TTLL4: variants seen among roughly 807,000 people sequenced by gnomAD.
TTLL4 encodes tubulin monoglutamylase TTLL4.
TTLL4 carries 85 observed loss-of-function variants against 122.7 expected under a neutral mutation model. The observed-to-expected ratio is 0.69, with a 90% CI of 0.58 to 0.83. The LOEUF is 0.83. Ranked by LOEUF, TTLL4 falls within the 40% of genes least tolerant of loss-of-function variation. The pLI, the probability that TTLL4 is intolerant of heterozygous loss-of-function variation, is 0.00. For synonymous variants in TTLL4, 553 were observed against 563.0 expected (o/e 0.98, Z 0.25); for missense variants, 1,363 against 1,488.6 (o/e 0.92, Z 1.39).
rs1394147313 is a variant in TTLL4 at position 218,753,624 on chromosome 2, A to T, written c.3299A>T (p.Asp1100Val). 6.2e-7 allele frequency: 1 copy of T among 1,614,208 alleles called. No homozygotes were observed. Reference sequence around the variant, plus strand: ...TCACTTCTGACTATCTCAAAGGATGACGTGATACTCAATGCCTTCAGCAAA... The same window carrying T: ...TCACTTCTGACTATCTCAAAGGATGTCGTGATACTCAATGCCTTCAGCAAA... ...PTSLLTISKD[D>V]VILNAFSKSE... is the part of the protein sequence containing the mutation. Residue 1100 changes from aspartate (D) to valine (V), a missense_variant, in exon 19 of 20, where the codon GAC (aspartate) becomes GTC (valine). Asp to Val is a radical substitution (Grantham distance 152, BLOSUM62 -3). This residue lies in a region of TTLL4 where 596 missense variants were observed against 655.8 expected (regional missense o/e 0.91). Coordinates refer to ENST00000392102, the MANE Select transcript of TTLL4 (RefSeq NM_014640.5).
chr2:218,738,680 G>C lies in TTLL4; in HGVS notation c.1004G>C (p.Arg335Pro). The part of the protein sequence containing the change: ...SDSQDPTKEI[R>P]FTEAVRKLTA... ...TCCCAGGATCCAACTAAGGAGATTCGGTTCACTGAGGCCGTGAGGAAATTG... is the reference window on the plus strand; with the variant it reads ...TCCCAGGATCCAACTAAGGAGATTCCGTTCACTGAGGCCGTGAGGAAATTG... The change falls in exon 3 of 20, where the codon CGG becomes CCG. Residue 335 changes from arginine (R) to proline (P), a missense_variant. By Grantham distance (103) the Arg-to-Pro change is moderately radical. Coordinates refer to ENST00000392102, the MANE Select transcript of TTLL4 (RefSeq NM_014640.5). The C allele has an allele frequency of 6.2e-7, 1 of 1,614,206 alleles. No homozygotes were observed. The highest frequency in any genetic ancestry group is 1.1e-5 in the South Asian group (1 of 91,082).
At chr2:218,745,066 T>G in intron 5 of TTLL4, 43 bp from the exon 6 acceptor site, 2 of 1,609,398 alleles carry the variant, frequency 1.2e-6, no homozygotes. Flanking sequence ...TCAGGGCTGT[T>G]GCTTTTTCCC....
At chr2:218,719,674 C>T (rs1941975381) in intron 1 of TTLL4, among the ~76,000 whole-genome samples, 1 of 151,968 alleles carries the variant, frequency 6.6e-6, no homozygotes, top group Non-Finnish European at 1.5e-5. Flanking sequence ...AAACTGCAGA[C>T]TCATGGCCCT....
intron 1 of TTLL4, among the ~76,000 whole-genome samples, chr2:218,718,277 G>A (rs1211100992): frequency 6.6e-6 from 1 of 152,202 alleles, no homozygotes; most frequent in Non-Finnish European, 1.5e-5. Context: ...AGTGGGTAAT[G>A]AATAATTGCT....
intron 5 of TTLL4, among the ~76,000 whole-genome samples, 200 bp from the exon 6 acceptor site, chr2:218,744,909 T>G (rs1172821732): frequency 6.6e-6 from 1 of 152,230 alleles, no homozygotes; most frequent in Non-Finnish European, 1.5e-5. Flanking sequence ...AGGTGACATT[T>G]AATGGTGTGG....
At chr2:218,727,975 A>T (rs2106409770) in intron 2 of TTLL4, 1 of 152,080 alleles carries the variant, frequency 6.6e-6, no homozygotes. Context: ...GTTTGTTTAG[A>T]GATTTTTTGT....
At chr2:218,715,761 C>A (rs1480444642) in intron 1 of TTLL4, among the ~76,000 whole-genome samples, 1 of 152,138 alleles carries the variant, frequency 6.6e-6, no homozygotes. Flanking sequence ...TCCCAAGTAG[C>A]TGGGACTACA....
Position 218,751,542 on chromosome 2 carries a change from G to A in TTLL4, c.2874-162G>A, listed in dbSNP as rs1031717153. On this transcript the variant is annotated intron_variant, in intron 15 of 19. Transcript: ENST00000392102. The stretch of plus-strand genomic sequence containing the variant: ...ATTTGATGACTCTCAGGTTACTTCT[G>A]GGGAGTGCATTTTAGTCCAACCTAC... The A allele has an allele frequency of 1.2e-5, 11 of 905,160 alleles. No homozygotes were observed. The African/African-American group carries it at 2.0e-4, about 16-fold the overall frequency. The allele number at this position is 905,160 out of a possible 1,614,324, so 56.1% of individuals were successfully genotyped here. A position where few individuals can be genotyped will look rare whatever the true frequency, so the allele number is the denominator to read the frequency against.
chr2:218,724,570 C>T (rs1245738306), intron 1 of TTLL4, among the ~76,000 whole-genome samples: 1 of 152,160 alleles, frequency 6.6e-6, no homozygotes, highest in Non-Finnish European at 1.5e-5. Flanking sequence ...ATAATGACCT[C>T]TAGTTCCATA....
At position 218,739,021 on chromosome 2, in the gene TTLL4, G is replaced by A; in HGVS notation, c.1345G>A (p.Gly449Ser). 2.5e-6 allele frequency: 4 copies of A among 1,614,204 alleles called. No individual in the cohort carries two copies. The highest frequency in any genetic ancestry group is 2.5e-6 in the Non-Finnish European group (3 of 1,180,042). Residue 449 changes from glycine to serine, a missense_variant, in exon 3 of 20, where the codon GGC becomes AGC. By Grantham distance (56) the Gly-to-Ser change is moderately conservative (BLOSUM62 0). This residue lies in a region of TTLL4 where 760 missense variants were observed against 808.4 expected (regional missense o/e 0.94). Transcript: ENST00000392102. The part of the protein sequence containing the change: ...SVIDSSAFGE[G>S]KAPGPPFPQT... ...AATTGACTCCTCAGCATTTGGAGAAGGCAAAGCTCCAGGTCCCCCTTTTCC... is the reference window on the plus strand; with the variant it reads ...AATTGACTCCTCAGCATTTGGAGAAAGCAAAGCTCCAGGTCCCCCTTTTCC...
intron 1 of TTLL4, among the ~76,000 whole-genome samples, chr2:218,714,398 C>T (rs1290593411): frequency 1.3e-5 from 2 of 152,212 alleles, no homozygotes; most frequent in Admixed American, 1.3e-4. Context: ...TAGATTCCTT[C>T]TATGACCTTG....
rs116308889 is a variant in TTLL4, at chr2:218,736,779, A to G, written c.-98-800A>G. Reference sequence around the variant, plus strand: ...GAACTTGTCCTATTTAACCATGAAAAGCAGACTAAATCAGAGGCAGCTGAG... The same window carrying G: ...GAACTTGTCCTATTTAACCATGAAAGGCAGACTAAATCAGAGGCAGCTGAG... On this transcript the variant is annotated intron_variant, in intron 2 of 19. Transcript: ENST00000392102. Among the ~76,000 whole-genome samples the G allele has an allele frequency of 3.2e-3, 483 of 152,178 alleles. 1 individual carries two copies. Among genetic ancestry groups the G allele is most frequent in the African/African-American group, 0.011 (462 of 41,522 alleles).
intron 15 of TTLL4, among the ~76,000 whole-genome samples, chr2:218,750,735 C>G (rs745436277): frequency 6.6e-6 from 1 of 152,156 alleles, no homozygotes; most frequent in Non-Finnish European, 1.5e-5. Context: ...TCTTGCTGTT[C>G]CCCATAGTGT....
chr2:218,745,316 A>G, intron 6 of TTLL4, 83 bp downstream of exon 6: 1 of 1,578,072 alleles, frequency 6.3e-7, no homozygotes, highest in Non-Finnish European at 8.7e-7. Context: ...GGCAGTAGGT[A>G]GGAGAGGGTT....
Position 218,748,152 on chromosome 2 carries a change from C to G in TTLL4, c.2426C>G (p.Thr809Ser). 6.2e-7 allele frequency: 1 copy of G among 1,614,140 alleles called. No individual in the cohort carries two copies. Among genetic ancestry groups the G allele is most frequent in the Non-Finnish European group, 8.5e-7 (1 of 1,180,010 alleles). The change falls in exon 12 of 20, where the codon ACC becomes AGC. Residue 809 changes from threonine (T) to serine (S), a missense_variant. Around this residue, in one of 3 missense-constraint regions of TTLL4, gnomAD observed 596 missense variants for 655.8 expected, o/e 0.91. Coordinates refer to ENST00000392102, the MANE Select transcript of TTLL4 (RefSeq NM_014640.5). ...KSLGNKFMHL[T>S]NYSVNKKNAE... The stretch of plus-strand genomic sequence containing the variant: ...CTTGGCAATAAGTTCATGCACCTGA[C>G]CAACTACAGTGTCAATAAAAAGAAT...
intron 19 of TTLL4, 23 bp downstream of exon 19, chr2:218,753,692 A>T (rs1393899394): frequency 6.2e-7 from 1 of 1,612,562 alleles, no homozygotes; most frequent in Non-Finnish European, 8.5e-7. Flanking sequence ...TGGGCAAGGG[A>T]GGGGCTGCTG....
intron 5 of TTLL4, 151 bp downstream of exon 5, chr2:218,740,735 G>A: frequency 1.2e-6 from 1 of 824,096 alleles, no homozygotes; most frequent in South Asian, 1.6e-5. Context: ...TTTTGAACAG[G>A]GAGTAATGGG....
At chr2:218,716,752 G>A (rs1426091216) in intron 1 of TTLL4, among the ~76,000 whole-genome samples, 2 of 152,132 alleles carry the variant, frequency 1.3e-5, no homozygotes, top group East Asian at 3.9e-4. Context: ...TCGTGCCACT[G>A]CACTCCAGCC....
intron 12 of TTLL4, chr2:218,748,457 C>T (rs1942910085): frequency 3.5e-6 from 2 of 567,082 alleles, no homozygotes; most frequent in Admixed American, 3.4e-5. Context: ...GAGTACAGGA[C>T]CAGCCTGGCC....
Sources: gnomAD v4.1 joint callset for allele counts (sites outside exome capture counted in the v4.1 genomes callset) on GRCh38, gnomAD v4.1.1 for gene constraint, gnomAD v4.1.1 regional missense constraint, MANE v1.5 for transcripts, NCBI Gene and HGNC (gene_info 2026-07-23, HGNC 2026-07-21) for gene names.